SYN3: variants seen among roughly 807,000 people sequenced by gnomAD.
SYN3 encodes the protein synapsin-3.
A neutral mutation model predicts 65.8 loss-of-function variants in SYN3; 35 were observed. That is an observed-to-expected ratio of 0.53 (90% CI 0.41 to 0.70). The LOEUF (loss-of-function observed/expected upper bound fraction) is 0.70, where lower values mean the gene tolerates loss of function less well. SYN3 is among the 30% of genes least tolerant of loss of function. The pLI is 0.00. For missense variants in SYN3, 680 were observed against 749.0 expected, an observed-to-expected ratio of 0.91 and a Z score of 1.08; for synonymous variants, 270 against 292.9, an observed-to-expected ratio of 0.92 and a Z score of 0.80.
At chr22:32,825,935 A>G (rs1385427412) in intron 6 of SYN3, among the ~76,000 whole-genome samples, 4 of 152,158 alleles carry the variant, frequency 2.6e-5, no homozygotes, top group African/African-American at 7.2e-5. Context: ...ATTTTGGATG[A>G]TTCTATTAGC....
intron 6 of SYN3, among the ~76,000 whole-genome samples, chr22:32,734,115 CTGGGG>C (rs891210646): frequency 6.6e-6 from 1 of 152,128 alleles, no homozygotes; most frequent in African/African-American, 2.4e-5. Context: ...TTTAAAGGGC[CTGGGG>C]TGGGTGGACA....
chr22:32,560,123 G>A (rs1569038557), intron 7 of SYN3, among the ~76,000 whole-genome samples: 1 of 152,234 alleles, frequency 6.6e-6, no homozygotes, highest in Non-Finnish European at 1.5e-5. Flanking sequence ...AAGAATCAGG[G>A]GAGAAGGAAT....
chr22:32,703,536 C>T (rs1458737082), intron 6 of SYN3, among the ~76,000 whole-genome samples: 3 of 151,626 alleles, frequency 2.0e-5, no homozygotes, highest in Non-Finnish European at 4.4e-5. Flanking sequence ...ACTCGGGAGG[C>T]TGAGGCAGAA....
intron 4 of SYN3, among the ~76,000 whole-genome samples, chr22:32,915,041 T>C (rs553344894): frequency 6.6e-6 from 1 of 152,236 alleles, no homozygotes; most frequent in East Asian, 1.9e-4. Context: ...GTTATTTTTT[T>C]AAAAGCAGGC....
At chr22:32,912,279 G>C (rs1046736763) in intron 4 of SYN3, among the ~76,000 whole-genome samples, 1 of 152,088 alleles carries the variant, frequency 6.6e-6, no homozygotes, top group African/African-American at 2.4e-5. Flanking sequence ...ATGAGCAGAA[G>C]GTTTTTTTGG....
chr22:32,580,569 C>T (rs1223844058), intron 7 of SYN3, among the ~76,000 whole-genome samples: 6 of 152,108 alleles, frequency 3.9e-5, no homozygotes, highest in South Asian at 4.2e-4. Context: ...AGGCTTCCAC[C>T]GGGAGTCTTG....
chr22:32,761,358 C>G (rs555950542), intron 6 of SYN3, among the ~76,000 whole-genome samples: 2 of 152,006 alleles, frequency 1.3e-5, no homozygotes, highest in Non-Finnish European at 2.9e-5. Context: ...AAGGGGTGGC[C>G]GATAGAAGCC....
At chr22:32,688,359 C>T (rs3788483) in intron 6 of SYN3, among the ~76,000 whole-genome samples, 96,072 of 151,956 alleles carry the variant, frequency 0.63, 30,636 homozygotes, top group African/African-American at 0.71. Flanking sequence ...CTGCTACTTC[C>T]CGTTCAAAAT....
chr22:32,628,114 C>T (rs933336648), intron 6 of SYN3, among the ~76,000 whole-genome samples: 12 of 152,080 alleles, frequency 7.9e-5, no homozygotes, highest in African/African-American at 2.9e-4. Context: ...TGTGAGCCAC[C>T]GCACCCGGCC....
intron 6 of SYN3, among the ~76,000 whole-genome samples, chr22:32,640,021 C>A (rs556426757): frequency 1.3e-5 from 2 of 152,216 alleles, no homozygotes; most frequent in African/African-American, 4.8e-5. Flanking sequence ...TCTAGAACTG[C>A]AAAACTGTTC....
chr22:32,522,542 T>C (rs555152564), intron 12 of SYN3, among the ~76,000 whole-genome samples: 1 of 152,278 alleles, frequency 6.6e-6, no homozygotes, highest in East Asian at 1.9e-4. Context: ...TCGGAACACT[T>C]ATTACTATAG....
Position 32,573,192 on chromosome 22 carries a change from A to C in SYN3, c.774+23482T>G, listed in dbSNP as rs964573928. On this transcript the variant is annotated intron_variant, in intron 7 of 13. Coordinates refer to ENST00000358763, the MANE Select transcript of SYN3 (RefSeq NM_003490.4). ...TGGAAGACAGTTTATGACTGTTTTC[A>C]GTATTCCAGGTAAGGATATGACATG... 3.3e-5 allele frequency among the ~76,000 whole-genome samples: 5 copies of C among 152,318 alleles called. 1 individual carries two copies. The highest frequency in any genetic ancestry group is 3.3e-4 in the Admixed American group (5 of 15,302).
intron 4 of SYN3, among the ~76,000 whole-genome samples, chr22:32,887,251 A>G (rs1468685198): frequency 6.6e-6 from 1 of 152,054 alleles, no homozygotes; most frequent in African/African-American, 2.4e-5. Flanking sequence ...GGTGATGCAC[A>G]TCTGTAGTCC....
chr22:33,030,462 C>T (rs1252792370), intron 1 of SYN3, among the ~76,000 whole-genome samples: 1 of 151,672 alleles, frequency 6.6e-6, no homozygotes, highest in South Asian at 2.1e-4. Flanking sequence ...GAGGCTGAGA[C>T]AGACACAGAG....
intron 4 of SYN3, among the ~76,000 whole-genome samples, chr22:32,886,531 T>C (rs2049292399): frequency 6.6e-6 from 1 of 152,188 alleles, no homozygotes; most frequent in African/African-American, 2.4e-5. Context: ...AATATATACT[T>C]TATAAAGGCA....
intron 6 of SYN3, among the ~76,000 whole-genome samples, chr22:32,786,520 G>A (rs1243636675): frequency 6.6e-6 from 1 of 151,656 alleles, no homozygotes; most frequent in Non-Finnish European, 1.5e-5. Flanking sequence ...CCGCCACCAC[G>A]CCCGGCAAAT....
At chr22:32,753,883 G>C (rs113181395) in intron 6 of SYN3, among the ~76,000 whole-genome samples, 43 of 152,360 alleles carry the variant, frequency 2.8e-4, no homozygotes, top group African/African-American at 1.0e-3. Flanking sequence ...TGCTCTCACG[G>C]AGCTCACGTG....
intron 6 of SYN3, among the ~76,000 whole-genome samples, chr22:32,856,263 G>A (rs1007593758): frequency 2.8e-5 from 4 of 143,254 alleles, no homozygotes; most frequent in Admixed American, 2.8e-4. Flanking sequence ...CTGAAAAGGT[G>A]CTGGGATGTC....
intron 1 of SYN3, among the ~76,000 whole-genome samples, chr22:33,027,676 AAAG>A (rs1423055567): frequency 1.3e-5 from 2 of 151,796 alleles, no homozygotes; most frequent in African/African-American, 2.4e-5. Context: ...AAAAGAAAGA[AAAG>A]AAAGAAAGAG....
Sources: gnomAD v4.1 joint callset for allele counts (sites outside exome capture counted in the v4.1 genomes callset) on GRCh38, gnomAD v4.1.1 for gene constraint, MANE v1.5 for transcripts, NCBI Gene and HGNC (gene_info 2026-07-23, HGNC 2026-07-21) for gene names.